RPA3: variants seen among roughly 807,000 people sequenced by gnomAD.
RPA3 encodes the protein replication protein A3.
A neutral mutation model predicts 13.7 loss-of-function variants in RPA3; 24 were observed. The observed-to-expected ratio is 1.75, with a 90% CI of 1.27 to 2.46. RPA3 has a LOEUF of 2.46. RPA3 is among the 30% of genes most tolerant of loss of function. The pLI, the probability that RPA3 is intolerant of heterozygous loss-of-function variation, is 0.00. For synonymous variants in RPA3, 59 were observed against 51.2 expected, an observed-to-expected ratio of 1.15 and a Z score of -0.65; for missense variants, 183 against 151.0, an observed-to-expected ratio of 1.21 and a Z score of -1.11.
In RPA3 at chr7:7,685,876, A is replaced by G. The variant is rs916643236; in HGVS notation, c.-804T>C. ...AAAATAAGTAAGAAGAATGTGGTAA[A>G]TTAGTGTCGTATCTTTTTTTGATTG... On this transcript the variant is annotated 5_prime_UTR_variant, in exon 4 of 8. Transcript: ENST00000223129. 3.9e-5 allele frequency: 6 copies of G among 152,236 alleles called. No individual in the cohort carries two copies. The highest frequency in any genetic ancestry group is 6.5e-5 in the Admixed American group (1 of 15,286). 9.4% of individuals were successfully genotyped at this position (152,236 alleles called of 1,614,324 possible).
chr7:7,661,564 T>C (rs921780919), intron 4 of RPA3, among the ~76,000 whole-genome samples: 1 of 152,172 alleles, frequency 6.6e-6, no homozygotes, highest in African/African-American at 2.4e-5. Context: ...GACAGGCCCG[T>C]GTGCTGCAGG....
chr7:7,672,474 C>G (rs1779630674), intron 4 of RPA3, among the ~76,000 whole-genome samples: 1 of 152,146 alleles, frequency 6.6e-6, no homozygotes, highest in African/African-American at 2.4e-5. Context: ...ATAATGGGTA[C>G]TGATATGGTT....
chr7:7,678,795 T>C (rs1779832531), intron 4 of RPA3, among the ~76,000 whole-genome samples: 1 of 46,064 alleles, frequency 2.2e-5, no homozygotes, highest in South Asian at 6.1e-4. Context: ...ATATATTTAG[T>C]TTATAAATAT....
chr7:7,681,343 A>G (rs1235184160), intron 4 of RPA3, among the ~76,000 whole-genome samples: 1 of 152,192 alleles, frequency 6.6e-6, no homozygotes, highest in Non-Finnish European at 1.5e-5. Flanking sequence ...GAATCAACAC[A>G]TCATGACTTG....
intron 2 of RPA3, among the ~76,000 whole-genome samples, chr7:7,687,688 C>T (rs1583737167): frequency 6.6e-6 from 1 of 152,204 alleles, no homozygotes; most frequent in African/African-American, 2.4e-5. Flanking sequence ...AAAGGATTCA[C>T]TTCCTACAAC....
intron 3 of RPA3, among the ~76,000 whole-genome samples, chr7:7,686,521 A>G (rs1377773215): frequency 6.6e-6 from 1 of 152,212 alleles, no homozygotes; most frequent in East Asian, 1.9e-4. Flanking sequence ...AACTAATTGC[A>G]GCATCATGTC....
chr7:7,712,198 A>G (rs964144860), intron 2 of RPA3, among the ~76,000 whole-genome samples: 6 of 152,124 alleles, frequency 3.9e-5, no homozygotes, highest in Non-Finnish European at 8.8e-5. Context: ...AGTTGATCTT[A>G]TGCCAAATAA....
chr7:7,681,066 A>G (rs1563116772), intron 4 of RPA3, among the ~76,000 whole-genome samples: 3 of 152,170 alleles, frequency 2.0e-5, no homozygotes, highest in South Asian at 2.1e-4. Flanking sequence ...TGATGTCTAA[A>G]TGATAAAGCT....
chr7:7,670,991 G>C (rs572446859), intron 4 of RPA3, among the ~76,000 whole-genome samples: 1 of 152,148 alleles, frequency 6.6e-6, no homozygotes, highest in Admixed American at 6.5e-5. Context: ...TTTCCTTTTC[G>C]GTAACTTCCT....
rs143103505 is a variant in RPA3, at chr7:7,700,787, C to T, written c.-1027-13459G>A. Among the ~76,000 whole-genome samples the T allele has an allele frequency of 2.0e-3, 301 of 152,200 alleles. 3 individuals are homozygous for T. The highest frequency in any genetic ancestry group is 7.0e-3 in the African/African-American group (291 of 41,528). ...CCTGTAATCAAAGCTACTCGGGAGG[C>T]TGAGGCAGTAGAATCACTTGAGCCC... On this transcript the variant is annotated intron_variant, in intron 2 of 7. Transcript: ENST00000223129.
chr7:7,694,944 T>C (rs1780271473), intron 2 of RPA3, among the ~76,000 whole-genome samples: 1 of 152,142 alleles, frequency 6.6e-6, no homozygotes, highest in African/African-American at 2.4e-5. Context: ...CTATTTTTAG[T>C]TTTTTGAGGA....
At chr7:7,712,935 G>A (rs992693767) in intron 2 of RPA3, among the ~76,000 whole-genome samples, 2 of 152,088 alleles carry the variant, frequency 1.3e-5, no homozygotes, top group Non-Finnish European at 2.9e-5. Context: ...TCTTGGCCTC[G>A]TGTTTCTTTA....
intron 2 of RPA3, among the ~76,000 whole-genome samples, chr7:7,695,245 C>T (rs545569904): frequency 4.6e-5 from 7 of 152,194 alleles, no homozygotes; most frequent in East Asian, 1.9e-4. Context: ...ACCAAGTAGC[C>T]GTGCAATAAT....
intron 4 of RPA3, among the ~76,000 whole-genome samples, chr7:7,675,614 A>C (rs1583721356): frequency 6.6e-6 from 1 of 152,292 alleles, no homozygotes; most frequent in Admixed American, 6.5e-5. Context: ...TTTAAGAAGG[A>C]ATTTCCGGGA....
chr7:7,673,310 T>TAGC, intron 4 of RPA3: 81,148 of 1,033,088 alleles, frequency 0.079, 2,733 homozygotes, highest in Middle Eastern at 0.11. Context: ...CTATTTCAGG[T>TAGC]AGCAGCAGCA....
chr7:7,685,724 C>T (rs763823528), intron 4 of RPA3, 106 bp downstream of exon 4: 11 of 152,090 alleles, frequency 7.2e-5, no homozygotes, highest in East Asian at 1.9e-4. Context: ...CTTTCCTTTC[C>T]GTACTATTCT....
chr7:7,657,108 T>A (rs954062993), intron 4 of RPA3, among the ~76,000 whole-genome samples: 1 of 152,212 alleles, frequency 6.6e-6, no homozygotes, highest in Non-Finnish European at 1.5e-5. Context: ...TCTGCATAAA[T>A]GTCTTCTTTT....
intron 4 of RPA3, among the ~76,000 whole-genome samples, chr7:7,667,383 A>G (rs900821489): frequency 6.6e-6 from 1 of 152,234 alleles, no homozygotes; most frequent in African/African-American, 2.4e-5. Context: ...AAGGCCATGC[A>G]TATCAGAAGC....
chr7:7,639,702 T>A (rs1784922079), intron 5 of RPA3, among the ~76,000 whole-genome samples: 1 of 152,212 alleles, frequency 6.6e-6, no homozygotes, highest in Non-Finnish European at 1.5e-5. Flanking sequence ...GCAACACTCA[T>A]TTAAGGAAGA....
Sources: allele counts gnomAD v4.1 joint callset (sites outside exome capture counted in the v4.1 genomes callset), GRCh38; gene constraint gnomAD v4.1.1; transcripts MANE v1.5; gene names NCBI Gene and HGNC (gene_info 2026-07-23, HGNC 2026-07-21).